Variants in THSD7A observed in about 807,000 individuals in gnomAD.
THSD7A encodes thrombospondin type 1 domain containing 7A.
Under a neutral mutation model 231.3 loss-of-function variants are expected in THSD7A, and 96 were observed. The observed-to-expected ratio is 0.41, with a 90% CI of 0.35 to 0.49. THSD7A has a LOEUF of 0.49. Ranked by LOEUF, THSD7A falls within the 20% of genes least tolerant of loss-of-function variation. THSD7A has a pLI of 0.05. For missense variants in THSD7A, 2,290 were observed against 2,070.2 expected, an observed-to-expected ratio of 1.11 and a Z score of -2.06; for synonymous variants, 940 against 743.3, an observed-to-expected ratio of 1.26 and a Z score of -4.30.
intron 4 of THSD7A, among the ~76,000 whole-genome samples, chr7:11,548,849 TA>T (rs56231315): frequency 0.05 from 7,525 of 149,200 alleles, 229 homozygotes; most frequent in Non-Finnish European, 0.065. Context: ...GGAAAATACC[TA>T]AAAAAAAAAG....
intron 1 of THSD7A, among the ~76,000 whole-genome samples, chr7:11,794,597 C>T (rs1784063596): frequency 6.6e-6 from 1 of 151,928 alleles, no homozygotes; most frequent in Non-Finnish European, 1.5e-5. Context: ...AGCGGTATTG[C>T]TAAGGGGTCT....
At chr7:11,621,201 G>A (rs893052027) in intron 2 of THSD7A, among the ~76,000 whole-genome samples, 4 of 152,106 alleles carry the variant, frequency 2.6e-5, no homozygotes, top group Admixed American at 2.0e-4. Context: ...CATTCATGAC[G>A]ATTTCACAGT....
At chr7:11,495,247 A>G (rs550323144) in intron 6 of THSD7A, among the ~76,000 whole-genome samples, 1 of 152,192 alleles carries the variant, frequency 6.6e-6, no homozygotes, top group Non-Finnish European at 1.5e-5. Context: ...AAAATACGTA[A>G]CATCCTGTAT....
At chr7:11,713,694 T>A (rs1562496722) in intron 1 of THSD7A, among the ~76,000 whole-genome samples, 3 of 151,230 alleles carry the variant, frequency 2.0e-5, no homozygotes, top group Non-Finnish European at 4.4e-5. Context: ...CAGATGATCA[T>A]GACAGTTGGA....
chr7:11,408,504 A>T (rs1013700835), intron 19 of THSD7A, among the ~76,000 whole-genome samples: 1 of 53,560 alleles, frequency 1.9e-5, no homozygotes, highest in Non-Finnish European at 3.8e-5. Flanking sequence ...TCTCCAAAAT[A>T]AAAAAAAAAA....
At position 11,417,482 on chromosome 7, in the gene THSD7A, A is replaced by C. The variant is rs756964012; in HGVS notation, c.3505T>G (p.Ser1169Ala). The C allele has an allele frequency of 6.2e-7, 1 of 1,611,292 alleles. No individual in the cohort carries two copies. Among genetic ancestry groups the C allele is most frequent in the Non-Finnish European group, 8.5e-7 (1 of 1,179,174 alleles). Reference protein sequence around the residue: ...KLPCPEDCVISEWGPWTQCVL... With the variant: ...KLPCPEDCVIAEWGPWTQCVL... ...CATTGGGTCCATGGACCCCATTCAG[A>C]TATCACACAGTCCTCAGGGCATGGT... Residue 1169 changes from serine to alanine, a missense_variant, in exon 17 of 28, where the codon TCT (serine) becomes GCT (alanine). Transcript: ENST00000423059.
intron 1 of THSD7A, among the ~76,000 whole-genome samples, chr7:11,758,010 C>CATATATATATATAT (rs3037680): frequency 3.2e-4 from 45 of 142,814 alleles, no homozygotes; most frequent in East Asian, 2.7e-3. Context: ...CATATGCATT[C>CATATATATATATAT]ATATATATAT....
chr7:11,477,868 C>A (rs1042642560), intron 7 of THSD7A, among the ~76,000 whole-genome samples: 2 of 152,066 alleles, frequency 1.3e-5, no homozygotes. Flanking sequence ...GTGAATGAGG[C>A]TAATATATGT....
At chr7:11,447,092 C>A in intron 12 of THSD7A, 138 bp downstream of exon 12, 1 of 828,152 alleles carries the variant, frequency 1.2e-6, no homozygotes, top group Non-Finnish European at 1.9e-6. Flanking sequence ...TTTATCACTG[C>A]CAGCTAAATT....
At position 11,406,022 on chromosome 7, in the gene THSD7A, T is replaced by C. The variant is rs113227184; in HGVS notation, c.4237+278A>G. On this transcript the variant is annotated intron_variant, in intron 22 of 27. Coordinates refer to ENST00000423059, the MANE Select transcript of THSD7A (RefSeq NM_015204.3). This position sits in a 1 kb window ranked among gnomAD's most constrained non-coding sequence, Gnocchi z 4.7. The stretch of plus-strand genomic sequence containing the variant: ...CATCTTTTATTTCATAACTTTTCTG[T>C]GGAGCATGGGCTTAAGGCCTTAAAT... 1.3e-5 allele frequency among the ~76,000 whole-genome samples: 2 copies of C among 152,192 alleles called. No homozygotes were observed. The highest frequency in any genetic ancestry group is 4.8e-5 in the African/African-American group (2 of 41,454).
rs368924006 is a variant in THSD7A at position 11,417,617 on chromosome 7, T to C, written c.3384-14A>G. On this transcript the variant is annotated splice_polypyrimidine_tract_variant and intron_variant, in intron 16 of 27. Coordinates refer to ENST00000423059, the MANE Select transcript of THSD7A (RefSeq NM_015204.3). ...TTCTGCATGCATCTAGAAAAGAACA[T>C]AAACATATTCTAGAAAATATACATA... 2.8e-5 allele frequency: 44 copies of C among 1,591,042 alleles called. No homozygotes were observed. Among genetic ancestry groups the C allele is most frequent in the African/African-American group, 2.0e-4 (15 of 73,298 alleles).
chr7:11,556,668 C>T (rs567476367), intron 4 of THSD7A, among the ~76,000 whole-genome samples: 1 of 151,942 alleles, frequency 6.6e-6, no homozygotes, highest in South Asian at 2.1e-4. Context: ...CTGGTAACAA[C>T]TTCTCTTAGT....
intron 4 of THSD7A, among the ~76,000 whole-genome samples, chr7:11,583,202 G>A (rs1483151119): frequency 6.6e-6 from 1 of 151,628 alleles, no homozygotes. Flanking sequence ...TTTTAAATCT[G>A]ACTCATTATT....
intron 1 of THSD7A, among the ~76,000 whole-genome samples, chr7:11,794,211 C>T (rs1784051350): frequency 6.6e-6 from 1 of 151,928 alleles, no homozygotes; most frequent in Non-Finnish European, 1.5e-5. Flanking sequence ...TCCTACCACT[C>T]TTTTTGTCTT....
intron 1 of THSD7A, among the ~76,000 whole-genome samples, chr7:11,793,798 G>T (rs1056627630): frequency 6.6e-6 from 1 of 151,834 alleles, no homozygotes; most frequent in Admixed American, 6.6e-5. Flanking sequence ...TATGCTTAAT[G>T]TTGGCATGTT....
At chr7:11,392,067 CTTT>C (rs966758005) in intron 23 of THSD7A, among the ~76,000 whole-genome samples, 15 of 152,020 alleles carry the variant, frequency 9.9e-5, no homozygotes, top group African/African-American at 3.4e-4. Context: ...ATCTCAACTT[CTTT>C]TTTTAAGATT....
At chr7:11,553,758 G>A (rs1299503474) in intron 4 of THSD7A, among the ~76,000 whole-genome samples, 2 of 151,914 alleles carry the variant, frequency 1.3e-5, no homozygotes, top group Non-Finnish European at 2.9e-5. Context: ...TGAGGCTGAT[G>A]CATTTCTGTG....
At chr7:11,781,578 G>A (rs1296192727) in intron 1 of THSD7A, among the ~76,000 whole-genome samples, 1 of 152,114 alleles carries the variant, frequency 6.6e-6, no homozygotes, top group Non-Finnish European at 1.5e-5. Flanking sequence ...TTCATACATG[G>A]TTCATGTGTT....
At chr7:11,698,999 A>G (rs550125630) in intron 1 of THSD7A, among the ~76,000 whole-genome samples, 1 of 148,702 alleles carries the variant, frequency 6.7e-6, no homozygotes, top group African/African-American at 2.5e-5. Flanking sequence ...TGCATTCACA[A>G]TGCCAAGGTA....
Sources: gnomAD v4.1 joint callset for allele counts (sites outside exome capture counted in the v4.1 genomes callset) on GRCh38, gnomAD v4.1.1 for gene constraint, Gnocchi (gnomAD v3.1) non-coding constraint, MANE v1.5 for transcripts, NCBI Gene and HGNC (gene_info 2026-07-23, HGNC 2026-07-21) for gene names.